LDLRAD3: variants seen among roughly 807,000 people sequenced by gnomAD.
The protein encoded by LDLRAD3 is low density lipoprotein receptor class A domain containing 3.
LDLRAD3 carries 20 observed loss-of-function variants against 29.4 expected under a neutral mutation model. That is an observed-to-expected ratio of 0.68 (90% CI 0.48 to 0.99). LDLRAD3 has a LOEUF of 0.99. Among genes scored for constraint, LDLRAD3 ranks in the 50% least tolerant of loss-of-function variants. LDLRAD3 has a pLI of 0.00. For missense variants in LDLRAD3, 420 were observed against 454.3 expected (o/e 0.92, Z 0.69); for synonymous variants, 157 against 192.7 (o/e 0.81, Z 1.53).
chr11:36,172,640 G>T (rs563303092), intron 4 of LDLRAD3, among the ~76,000 whole-genome samples: 1 of 151,964 alleles, frequency 6.6e-6, no homozygotes, highest in Non-Finnish European at 1.5e-5. Context: ...CTTGACTTGC[G>T]TATATTAAAC....
intron 4 of LDLRAD3, among the ~76,000 whole-genome samples, chr11:36,204,295 C>G: frequency 1.3e-5 from 2 of 152,194 alleles, no homozygotes. Context: ...CTGCTATATC[C>G]GGGGCAGCAT....
intron 2 of LDLRAD3, among the ~76,000 whole-genome samples, chr11:36,060,641 G>A (rs1852685072): frequency 6.6e-6 from 1 of 152,152 alleles, no homozygotes; most frequent in Admixed American, 6.5e-5. Context: ...GTGTGATGGG[G>A]TTATGGTGTG....
intron 4 of LDLRAD3, among the ~76,000 whole-genome samples, chr11:36,120,531 AAAAG>A (rs747716167): frequency 3.0e-4 from 45 of 152,324 alleles, no homozygotes; most frequent in Non-Finnish European, 5.6e-4. Context: ...ATTTGAAAAA[AAAAG>A]AAACCTTGGG....
chr11:35,987,589 T>A (rs1335945510), intron 1 of LDLRAD3, among the ~76,000 whole-genome samples: 1 of 152,160 alleles, frequency 6.6e-6, no homozygotes, highest in Non-Finnish European at 1.5e-5. Context: ...AGGACAAGAT[T>A]TTGTTATTTT....
intron 2 of LDLRAD3, among the ~76,000 whole-genome samples, chr11:36,061,401 A>G (rs1213930558): frequency 7.9e-5 from 12 of 152,190 alleles, no homozygotes; most frequent in Non-Finnish European, 1.5e-4. Flanking sequence ...TTGGCCTCCC[A>G]AAGCGCTGGG....
At chr11:36,162,306 G>A (rs1168645077) in intron 4 of LDLRAD3, among the ~76,000 whole-genome samples, 1 of 152,146 alleles carries the variant, frequency 6.6e-6, no homozygotes, top group African/African-American at 2.4e-5. Context: ...TCCCTGGCAG[G>A]ATTCCTCATC....
chr11:36,068,531 CTTTTT>C (rs1297810438), intron 2 of LDLRAD3, among the ~76,000 whole-genome samples: 3 of 152,028 alleles, frequency 2.0e-5, no homozygotes, highest in African/African-American at 7.2e-5. Flanking sequence ...CTTTTCTTTT[CTTTTT>C]GACAGAGTCT....
intron 1 of LDLRAD3, among the ~76,000 whole-genome samples, chr11:35,964,644 A>G (rs1039886349): frequency 2.6e-5 from 4 of 152,154 alleles, no homozygotes; most frequent in African/African-American, 7.2e-5. Flanking sequence ...TTTGGACACC[A>G]TTGAGGGAAT....
intron 2 of LDLRAD3, among the ~76,000 whole-genome samples, chr11:36,063,023 A>G (rs144038942): frequency 6.6e-6 from 1 of 152,192 alleles, no homozygotes; most frequent in Admixed American, 6.5e-5. Context: ...TCTGCATTTC[A>G]TTGTCTGGAT....
chr11:36,063,079 C>G (rs1345559709), intron 2 of LDLRAD3, among the ~76,000 whole-genome samples: 3 of 152,008 alleles, frequency 2.0e-5, no homozygotes, highest in Non-Finnish European at 2.9e-5. Context: ...TTTTGAGAGG[C>G]CTGAAAGTCC....
At chr11:35,980,332 G>T (rs1260082969) in intron 1 of LDLRAD3, among the ~76,000 whole-genome samples, 6 of 152,140 alleles carry the variant, frequency 3.9e-5, no homozygotes, top group Non-Finnish European at 7.4e-5. Flanking sequence ...TATTGGGATG[G>T]GCGTTATACG....
At chr11:36,191,576 C>CTCTCTCTCTATATATATATATA (rs377747518) in intron 4 of LDLRAD3, among the ~76,000 whole-genome samples, 1 of 53,434 alleles carries the variant, frequency 1.9e-5, no homozygotes, top group African/African-American at 8.3e-5. Flanking sequence ...CTCTCTCTCT[C>CTCTCTCTCTATATATATATATA]TATATATATA....
At chr11:36,003,165 C>T (rs779681981) in intron 1 of LDLRAD3, among the ~76,000 whole-genome samples, 1 of 152,160 alleles carries the variant, frequency 6.6e-6, no homozygotes, top group Non-Finnish European at 1.5e-5. Context: ...AGAGGGTGAT[C>T]TGGCTGTGAC....
rs750797339 is a variant in LDLRAD3 at position 36,227,402 on chromosome 11, T to A, written c.772T>A (p.Ser258Thr). 2.5e-6 allele frequency: 4 copies of A among 1,592,782 alleles called. No individual in the cohort carries two copies. Among genetic ancestry groups the A allele is most frequent in the Non-Finnish European group, 2.6e-6 (3 of 1,169,502 alleles). ...TGCGTCGGAAGTAGGCTCCCCACCC[T>A]CCTACTCCGAGGCCTTGCTGGACCA... is the stretch of plus-strand genomic sequence containing the variant. ...QNASEVGSPP[S>T]YSEALLDQRP... Residue 258 changes from serine (S) to threonine (T), a missense_variant, in exon 5 of 6, where the codon TCC becomes ACC. Around this residue, in one of 3 missense-constraint regions of LDLRAD3, gnomAD observed 140 missense variants for 139.9 expected, o/e 1.00. Transcript: ENST00000315571.
At chr11:36,106,860 C>T (rs894047734) in intron 4 of LDLRAD3, among the ~76,000 whole-genome samples, 2 of 152,244 alleles carry the variant, frequency 1.3e-5, no homozygotes, top group African/African-American at 4.8e-5. Context: ...GTCCCTGCCC[C>T]GTGGATGCGG....
At chr11:35,997,405 A>G (rs1851768615) in intron 1 of LDLRAD3, 1 of 426,324 alleles carries the variant, frequency 2.3e-6, no homozygotes, top group Non-Finnish European at 4.5e-6. Flanking sequence ...GTTTCTTTCC[A>G]TCTCTTTGTG....
intron 2 of LDLRAD3, among the ~76,000 whole-genome samples, chr11:36,062,259 A>C (rs1026013252): frequency 6.6e-6 from 1 of 152,238 alleles, no homozygotes; most frequent in African/African-American, 2.4e-5. Context: ...TAGAATATAA[A>C]GTTTCTGTAA....
intron 4 of LDLRAD3, among the ~76,000 whole-genome samples, chr11:36,160,493 G>A (rs1471217364): frequency 6.6e-6 from 1 of 152,028 alleles, no homozygotes; most frequent in Non-Finnish European, 1.5e-5. Flanking sequence ...TAGCCTTGCA[G>A]CAAAAAATAA....
intron 4 of LDLRAD3, among the ~76,000 whole-genome samples, chr11:36,163,133 C>T (rs538409206): frequency 1.4e-4 from 21 of 152,322 alleles, no homozygotes; most frequent in South Asian, 8.3e-4. Context: ...GAAGCCAGGG[C>T]GGATCAGCAA....
Sources: allele counts gnomAD v4.1 joint callset (sites outside exome capture counted in the v4.1 genomes callset), GRCh38; gene constraint gnomAD v4.1.1; regional missense constraint gnomAD v4.1.1; transcripts MANE v1.5; gene names NCBI Gene and HGNC (gene_info 2026-07-23, HGNC 2026-07-21).